WNT3: variants seen among roughly 807,000 people sequenced by gnomAD.
The protein encoded by WNT3 is Wnt family member 3, also known as proto-oncogene Wnt-3.
In WNT3, 7 loss-of-function variants were observed where a neutral mutation model predicts 34.2. That is an observed-to-expected ratio of 0.20 (90% CI 0.12 to 0.38). The LOEUF is 0.38. Among genes scored for constraint, WNT3 ranks in the 10% least tolerant of loss-of-function variants. WNT3 has a pLI of 1.00. For missense variants in WNT3, 267 were observed against 499.8 expected, an observed-to-expected ratio of 0.53 and a Z score of 4.44; for synonymous variants, 212 against 211.5, an observed-to-expected ratio of 1.00 and a Z score of -0.02.
intron 4 of WNT3, among the ~76,000 whole-genome samples, 165 bp from the exon 5 acceptor site, chr17:46,764,786 C>T (rs2059298982): frequency 6.6e-6 from 1 of 152,200 alleles, no homozygotes; most frequent in African/African-American, 2.4e-5. Context: ...GTGCTTTGGG[C>T]CTGCTGTTGA....
chr17:46,799,430 G>A (rs1187657736), intron 1 of WNT3, among the ~76,000 whole-genome samples: 1 of 144,706 alleles, frequency 6.9e-6, no homozygotes, highest in Non-Finnish European at 1.5e-5. Flanking sequence ...CTTCAACTCA[G>A]TTTCTATTAT....
chr17:46,806,526 C>T (rs796440271), intron 1 of WNT3, among the ~76,000 whole-genome samples: 5 of 152,246 alleles, frequency 3.3e-5, no homozygotes, highest in African/African-American at 1.2e-4. Flanking sequence ...AGTTTTCTCA[C>T]AGGTAACATG....
chr17:46,812,468 C>A (rs143555776), intron 1 of WNT3, among the ~76,000 whole-genome samples: 2 of 152,202 alleles, frequency 1.3e-5, no homozygotes, highest in African/African-American at 4.8e-5. Flanking sequence ...CTGCTCTGGG[C>A]GGCCCTGGTG....
intron 1 of WNT3, among the ~76,000 whole-genome samples, chr17:46,792,538 G>A (rs774395739): frequency 7.2e-5 from 11 of 152,020 alleles, no homozygotes; most frequent in Non-Finnish European, 1.5e-4. Context: ...CAATGGTGCC[G>A]TGTTGGTTTA....
chr17:46,771,167 G>A (rs1035498192), intron 2 of WNT3, among the ~76,000 whole-genome samples: 5 of 152,332 alleles, frequency 3.3e-5, no homozygotes, highest in African/African-American at 1.2e-4. Context: ...CTACAGAGGG[G>A]CCCGTCCCAC....
At chr17:46,765,012 T>G (rs1284322333) in intron 4 of WNT3, among the ~76,000 whole-genome samples, 1 of 152,266 alleles carries the variant, frequency 6.6e-6, no homozygotes, top group Admixed American at 6.5e-5. Flanking sequence ...ACTGTGTTTT[T>G]GTACCGCACC....
chr17:46,773,649 C>T lies in WNT3; in HGVS notation c.322+19G>A, dbSNP rs1260960384. 14 of 1,542,212 alleles carry T rather than the reference C, an allele frequency of 9.1e-6. No individual in the cohort carries two copies. Among genetic ancestry groups the T allele is most frequent in the East Asian group, 4.9e-5 (2 of 40,720 alleles). On this transcript the variant is annotated intron_variant, in intron 2 of 4. Transcript: ENST00000225512. Reference sequence around the variant, plus strand: ...CCCCCCACCCAGCCCCTCCCCCCCCCTCAGCCCCAAGGCAGTACCTTTGTC... The same window carrying T: ...CCCCCCACCCAGCCCCTCCCCCCCCTTCAGCCCCAAGGCAGTACCTTTGTC...
intron 1 of WNT3, among the ~76,000 whole-genome samples, chr17:46,789,363 C>T (rs2083950620): frequency 6.6e-6 from 1 of 152,192 alleles, no homozygotes; most frequent in Admixed American, 6.5e-5. Flanking sequence ...TACACTACGG[C>T]AGATCACTTG....
intron 1 of WNT3, among the ~76,000 whole-genome samples, chr17:46,781,471 AC>A (rs1242974042): frequency 6.6e-6 from 1 of 152,204 alleles, no homozygotes. Context: ...AAACTTGAAA[AC>A]AAGCTAAGCG....
At position 46,764,393 on chromosome 17, in the gene WNT3, C is replaced by G. The variant is rs1450102523; in HGVS notation, c.*237G>C. ...CCCTAGAGAACTAAAAAGAAAGCCC[C>G]CTTCTTTAAAAACCACACACCATCC... On this transcript the variant is annotated 3_prime_UTR_variant, in exon 5 of 5. Coordinates refer to ENST00000225512, the MANE Select transcript of WNT3 (RefSeq NM_030753.5). The G allele has an allele frequency of 5.9e-5, 9 of 152,634 alleles. No homozygotes were observed. Among genetic ancestry groups the G allele is most frequent in the Non-Finnish European group, 1.3e-4 (9 of 68,064 alleles). 9.5% of individuals were successfully genotyped at this position (152,634 alleles called of 1,614,324 possible). A position where few individuals can be genotyped will look rare whatever the true frequency, so the allele number is the denominator to read the frequency against.
intron 1 of WNT3, among the ~76,000 whole-genome samples, chr17:46,814,535 G>A (rs1328948076): frequency 6.6e-6 from 1 of 152,196 alleles, no homozygotes; most frequent in Admixed American, 6.5e-5. Context: ...CTGGAAGGGA[G>A]ACCACCCGGT....
At chr17:46,812,336 A>C (rs993297679) in intron 1 of WNT3, among the ~76,000 whole-genome samples, 2 of 150,304 alleles carry the variant, frequency 1.3e-5, no homozygotes, top group African/African-American at 2.5e-5. Context: ...CCACCCCCCT[A>C]CCCCCGCCCC....
chr17:46,768,881 A>ACC lies in WNT3; in HGVS notation c.589-84_589-83dup. The ACC allele has an allele frequency of 6.4e-7, 1 of 1,554,532 alleles. No individual in the cohort carries two copies. The highest frequency in any genetic ancestry group is 1.2e-5 in the South Asian group (1 of 82,940). Reference sequence around the variant, plus strand: ...AGGCCTTCCCTCTCTGCCACTGCCCACCCCCTTCCCTCCAGCCTTCTCTAC... The same window carrying ACC: ...AGGCCTTCCCTCTCTGCCACTGCCCACCCCCCCTTCCCTCCAGCCTTCTCTAC... On this transcript the variant is annotated intron_variant, in intron 3 of 4. Transcript: ENST00000225512. This position sits in a 1 kb window ranked among gnomAD's most constrained non-coding sequence, Gnocchi z 5.0.
At position 46,769,942 on chromosome 17, in the gene WNT3, C is replaced by T. The variant is rs148902716; in HGVS notation, c.429G>A (p.Ser143=). ...EGTSTICGCD[S]HHKGPPGEGW... is the part of the protein sequence containing the mutation. ...CTTCGCCAGGCGGCCCCTTATGATG[C>T]GAGTCACAGCCGCAAATGGTGGAGG... Residue 143 remains serine (S), a synonymous_variant, in exon 3 of 5, where the codon TCG becomes TCA. Coordinates refer to ENST00000225512, the MANE Select transcript of WNT3 (RefSeq NM_030753.5). The T allele has an allele frequency of 2.8e-4, 458 of 1,613,206 alleles. 1 individual carries two copies. The African/African-American group carries it at 5.1e-3, about 18-fold the overall frequency.
intron 1 of WNT3, among the ~76,000 whole-genome samples, chr17:46,809,436 C>G (rs2084241489): frequency 6.6e-6 from 1 of 152,204 alleles, no homozygotes; most frequent in African/African-American, 2.4e-5. Context: ...CCAGACAGAC[C>G]TGGGTGCTTG....
chr17:46,767,163 C>T (rs1053128019), intron 4 of WNT3, among the ~76,000 whole-genome samples: 3 of 152,126 alleles, frequency 2.0e-5, no homozygotes, highest in Non-Finnish European at 2.9e-5. Flanking sequence ...TGACCTATCC[C>T]GGGGTGCTGT....
At chr17:46,816,785 C>A (rs2084356156) in intron 1 of WNT3, among the ~76,000 whole-genome samples, 1 of 152,186 alleles carries the variant, frequency 6.6e-6, no homozygotes, top group African/African-American at 2.4e-5. Context: ...GGCCGCCAAA[C>A]CTTTCCTTCC....
intron 1 of WNT3, 78 bp from the exon 2 acceptor site, chr17:46,773,987 A>C: frequency 1.3e-6 from 2 of 1,551,640 alleles, no homozygotes; most frequent in Non-Finnish European, 1.7e-6. Context: ...CGCTTTGTGA[A>C]CCCTCCGGGG....
At chr17:46,781,733 A>G (rs1367800881) in intron 1 of WNT3, among the ~76,000 whole-genome samples, 1 of 152,200 alleles carries the variant, frequency 6.6e-6, no homozygotes, top group African/African-American at 2.4e-5. Flanking sequence ...GCAAAATTAA[A>G]AAAATCAAAG....
Sources: gnomAD v4.1 joint callset for allele counts (sites outside exome capture counted in the v4.1 genomes callset) on GRCh38, gnomAD v4.1.1 for gene constraint, Gnocchi (gnomAD v3.1) non-coding constraint, MANE v1.5 for transcripts, NCBI Gene and HGNC (gene_info 2026-07-23, HGNC 2026-07-21) for gene names.